The following TBC1D16 variants were observed in gnomAD, a reference collection of about 807,000 sequenced individuals.
The protein encoded by TBC1D16 is CTD-2529O21.1.
Under a neutral mutation model 74.7 loss-of-function variants are expected in TBC1D16, and 58 were observed. The ratio of observed to expected loss-of-function variants is 0.78; its 90% confidence interval spans 0.63 to 0.97. The LOEUF is 0.97. TBC1D16 is among the 50% of genes least tolerant of loss of function. The pLI, the probability that TBC1D16 is intolerant of heterozygous loss-of-function variation, is 0.00. For missense variants in TBC1D16, 1,014 were observed against 1,079.5 expected (o/e 0.94, Z 0.85); for synonymous variants, 493 against 474.7 (o/e 1.04, Z -0.50).
At chr17:80,002,573 C>T (rs970506959) in intron 3 of TBC1D16, among the ~76,000 whole-genome samples, 6 of 152,208 alleles carry the variant, frequency 3.9e-5, no homozygotes, top group African/African-American at 1.4e-4. Flanking sequence ...TCGTCTTTCC[C>T]CCATTACTTT....
intron 3 of TBC1D16, among the ~76,000 whole-genome samples, chr17:79,965,964 G>A (rs2033823496): frequency 6.6e-6 from 1 of 152,184 alleles, no homozygotes. Context: ...GGCTGCTGCA[G>A]GAAACACCAC....
Position 79,951,402 on chromosome 17 carries a change from G to T in TBC1D16, c.1089+48C>A, listed in dbSNP as rs754074994. ...AGGAGGGAGATGGGGCCCGTGGGGG[G>T]TGGGGAGTGTCAACCGCTGGGCATT... On this transcript the variant is annotated intron_variant, in intron 5 of 11. Coordinates refer to ENST00000310924, the MANE Select transcript of TBC1D16 (RefSeq NM_019020.4). The T allele has an allele frequency of 5.6e-6, 9 of 1,595,928 alleles. No individual in the cohort carries two copies. The East Asian group carries it at 2.0e-4, about 36-fold the overall frequency.
intron 3 of TBC1D16, among the ~76,000 whole-genome samples, chr17:79,960,477 C>G (rs946594127): frequency 3.3e-5 from 5 of 152,026 alleles, no homozygotes; most frequent in African/African-American, 9.7e-5. Flanking sequence ...AATGAGGCCA[C>G]GAGCAAGGCA....
intron 1 of TBC1D16, among the ~76,000 whole-genome samples, chr17:80,014,909 G>A (rs1301014573): frequency 2.0e-5 from 3 of 152,192 alleles, no homozygotes; most frequent in East Asian, 1.9e-4. Context: ...GACGACCTGG[G>A]ACGTATGAAA....
At position 80,001,271 on chromosome 17, in the gene TBC1D16, G is replaced by T. The variant is rs924780311; in HGVS notation, c.779+8889C>A. Reference sequence around the variant, plus strand: ...TGGCCACCTTGGCTTGGGCAGGGGGGAGTCTGGGGGAGGGAGGAACGCCAC... The same window carrying T: ...TGGCCACCTTGGCTTGGGCAGGGGGTAGTCTGGGGGAGGGAGGAACGCCAC... On this transcript the variant is annotated intron_variant, in intron 3 of 11. Transcript: ENST00000310924. The surrounding 1 kb of genome is among the most constrained non-coding windows in gnomAD (Gnocchi z 5.8). Among the ~76,000 whole-genome samples, 1 of 152,236 alleles carries T rather than the reference G, an allele frequency of 6.6e-6. No homozygotes were observed. The highest frequency in any genetic ancestry group is 1.5e-5 in the Non-Finnish European group (1 of 68,036).
chr17:79,941,947 G>C lies in TBC1D16; in HGVS notation c.2055+113C>G. On this transcript the variant is annotated intron_variant, in intron 11 of 11. Transcript: ENST00000310924. The surrounding 1 kb of genome is among the most constrained non-coding windows in gnomAD (Gnocchi z 4.3). ...TGCTGGGGGGCCATGGTGGGGATGG[G>C]GCTCTGGGGGCGGGGCCCACATCTG... is the stretch of plus-strand genomic sequence containing the variant. The C allele has an allele frequency of 2.0e-6, 2 of 1,005,644 alleles. No individual in the cohort carries two copies. Among genetic ancestry groups the C allele is most frequent in the South Asian group, 3.1e-5 (2 of 64,164 alleles). 62.3% of individuals were successfully genotyped at this position (1,005,644 alleles called of 1,614,324 possible).
chr17:80,019,266 C>A (rs1568643192), intron 1 of TBC1D16, among the ~76,000 whole-genome samples: 1 of 150,102 alleles, frequency 6.7e-6, no homozygotes, highest in East Asian at 1.9e-4. Context: ...ACAGGCAGAA[C>A]CTCACTGTGG....
intron 3 of TBC1D16, among the ~76,000 whole-genome samples, chr17:79,989,562 ATGGCAAAC>A (rs2034983533): frequency 6.6e-6 from 1 of 152,262 alleles, no homozygotes. Context: ...ACAGTCTGGC[ATGGCAAAC>A]TGGCCTTGTG....
rs1016896330 is a variant in TBC1D16, at chr17:80,018,776, T to A, written c.-62-5167A>T. Among the ~76,000 whole-genome samples the A allele has an allele frequency of 2.9e-4, 43 of 149,602 alleles. 6 individuals are homozygous for A. Among genetic ancestry groups the A allele is most frequent in the African/African-American group, 1.1e-3 (41 of 38,994 alleles). On this transcript the variant is annotated intron_variant, in intron 1 of 11. Coordinates refer to ENST00000310924, the MANE Select transcript of TBC1D16 (RefSeq NM_019020.4). ...CCACCAGGTCCCGCTAATTTTTTTA[T>A]TTTTTGTAGAGATGAGGTTTCACTT...
Position 80,013,551 on chromosome 17 carries a change from C to T in TBC1D16, c.-4G>A, listed in dbSNP as rs990996352. ...GAAGGAGGCGGCCCAGAGACATTGC[C>T]GGGCAAGTGTTTCCATCCTCCGCAT... On this transcript the variant is annotated 5_prime_UTR_variant, in exon 2 of 12. Transcript: ENST00000310924. 9 of 1,494,854 alleles carry T rather than the reference C, an allele frequency of 6.0e-6. No individual in the cohort carries two copies. The highest frequency in any genetic ancestry group is 2.0e-4 in the Middle Eastern group (1 of 5,104). The allele number at this position is 1,494,854 out of a possible 1,614,324, so 92.6% of individuals were successfully genotyped here.
In TBC1D16 at chr17:79,961,571, C is replaced by G. The variant is rs2033616745; in HGVS notation, c.780-8753G>C. Among the ~76,000 whole-genome samples the G allele has an allele frequency of 6.6e-6, 1 of 152,154 alleles. No homozygotes were observed. The highest frequency in any genetic ancestry group is 2.4e-5 in the African/African-American group (1 of 41,422). ...TGTGTAACAGCTTTATCTAAAATAG[C>G]TAAGAACTGGCCAGGCACAGTGGCT... On this transcript the variant is annotated intron_variant, in intron 3 of 11. Transcript: ENST00000310924. This position sits in a 1 kb window ranked among gnomAD's most constrained non-coding sequence, Gnocchi z 4.8.
At chr17:80,012,208 G>A (rs971116294) in intron 2 of TBC1D16, among the ~76,000 whole-genome samples, 1 of 151,004 alleles carries the variant, frequency 6.6e-6, no homozygotes, top group African/African-American at 2.5e-5. Context: ...CTGGGCATTA[G>A]GATAACATGA....
rs2035767433 is a variant in TBC1D16 at position 80,008,684 on chromosome 17, C to A, written c.779+1476G>T. On this transcript the variant is annotated intron_variant, in intron 3 of 11. Coordinates refer to ENST00000310924, the MANE Select transcript of TBC1D16 (RefSeq NM_019020.4). The surrounding 1 kb of genome is among the most constrained non-coding windows in gnomAD (Gnocchi z 4.5). ...CGGGTTCCCTGGCGCCTGACGCCAC[C>A]CAGCTCAGCAAGCCTCCTGGCACCT... 6.6e-6 allele frequency among the ~76,000 whole-genome samples: 1 copy of A among 152,198 alleles called. No homozygotes were observed. The highest frequency in any genetic ancestry group is 1.5e-5 in the Non-Finnish European group (1 of 68,038).
intron 3 of TBC1D16, among the ~76,000 whole-genome samples, chr17:80,004,433 G>A (rs973159004): frequency 3.3e-5 from 5 of 152,282 alleles, no homozygotes; most frequent in Admixed American, 6.5e-5. Context: ...GCTTCTGAAC[G>A]TTTTACAGGT....
At position 79,941,103 on chromosome 17, in the gene TBC1D16, C is replaced by A; in HGVS notation, c.2060G>T (p.Arg687Met). The A allele has an allele frequency of 6.4e-7, 1 of 1,573,684 alleles. No homozygotes were observed. Among genetic ancestry groups the A allele is most frequent in the East Asian group, 2.3e-5 (1 of 42,880 alleles). ...MNGELVLRKA[R>M]SLLYQFRLLP... ...GAGGCGGAACTGGTACAGCAAACTC[C>A]TCGCCTGCAGACAGAGGACGGGGGG... The change falls in exon 12 of 12, where the codon AGG becomes ATG. Residue 687 changes from arginine (R) to methionine (M), a missense_variant. Arg to Met is a moderately conservative substitution (Grantham distance 91, BLOSUM62 -1). Transcript: ENST00000310924. This position sits in a 1 kb window ranked among gnomAD's most constrained non-coding sequence, Gnocchi z 4.3.
rs2034277858 is a variant in TBC1D16 at position 79,975,140 on chromosome 17, C to T, written c.780-22322G>A. 6.6e-6 allele frequency among the ~76,000 whole-genome samples: 1 copy of T among 152,274 alleles called. No homozygotes were observed. Among genetic ancestry groups the T allele is most frequent in the Non-Finnish European group, 1.5e-5 (1 of 68,046 alleles). ...CGGAACAATCCGCCAGGCCGCGTCACTCCTCACCCTCCAGCAGGGCTTTGG... is the reference window on the plus strand; with the variant it reads ...CGGAACAATCCGCCAGGCCGCGTCATTCCTCACCCTCCAGCAGGGCTTTGG... On this transcript the variant is annotated intron_variant, in intron 3 of 11. Coordinates refer to ENST00000310924, the MANE Select transcript of TBC1D16 (RefSeq NM_019020.4). This position sits in a 1 kb window ranked among gnomAD's most constrained non-coding sequence, Gnocchi z 4.5.
chr17:79,967,840 C>G (rs2033906964), intron 3 of TBC1D16, among the ~76,000 whole-genome samples: 1 of 152,112 alleles, frequency 6.6e-6, no homozygotes, highest in African/African-American at 2.4e-5. Flanking sequence ...AACTTAACTA[C>G]AAAGCTACGG....
intron 1 of TBC1D16, among the ~76,000 whole-genome samples, chr17:80,016,747 C>T (rs1258360713): frequency 6.6e-6 from 1 of 152,172 alleles, no homozygotes; most frequent in Non-Finnish European, 1.5e-5. Flanking sequence ...CTCTGGGTTC[C>T]TCTCCTCTGA....
chr17:80,035,659 G>GCCCC lies in TBC1D16; in HGVS notation c.-63+135_-63+136insGGGG, dbSNP rs1203174467. The GCCCC allele has an allele frequency of 3.3e-5, 5 of 149,980 alleles. No individual in the cohort carries two copies. Among genetic ancestry groups the GCCCC allele is most frequent in the Non-Finnish European group, 7.4e-5 (5 of 67,268 alleles). 9.3% of individuals were successfully genotyped at this position (149,980 alleles called of 1,614,324 possible). On this transcript the variant is annotated intron_variant, in intron 1 of 11. Coordinates refer to ENST00000310924, the MANE Select transcript of TBC1D16 (RefSeq NM_019020.4). This position sits in a 1 kb window ranked among gnomAD's most constrained non-coding sequence, Gnocchi z 5.3. ...GCGGCCGGACCCCGGCCCCTCCCCG[G>GCCCC]TCCCGCGGCTGCAGGCCCACGCGCC...
Sources: allele counts gnomAD v4.1 joint callset (sites outside exome capture counted in the v4.1 genomes callset), GRCh38; gene constraint gnomAD v4.1.1; non-coding constraint Gnocchi (gnomAD v3.1); transcripts MANE v1.5; gene names NCBI Gene and HGNC (gene_info 2026-07-23, HGNC 2026-07-21).